The following CACNA1E variants were observed in gnomAD, a reference collection of about 807,000 sequenced individuals.
CACNA1E encodes voltage-dependent R-type calcium channel subunit alpha-1E.
A neutral mutation model predicts 259.2 loss-of-function variants in CACNA1E; 40 were observed. The observed-to-expected ratio is 0.15, with a 90% CI of 0.12 to 0.20. The LOEUF (loss-of-function observed/expected upper bound fraction) is 0.20, where lower values mean the gene tolerates loss of function less well. Ranked by LOEUF, CACNA1E falls within the 10% of genes least tolerant of loss-of-function variation. CACNA1E has a pLI of 1.00. For missense variants in CACNA1E, 1,874 were observed against 3,040.1 expected (o/e 0.62, Z 9.02); for synonymous variants, 1,104 against 1,138.5 (o/e 0.97, Z 0.61).
At position 181,352,916 on chromosome 1, in the gene CACNA1E, G is replaced by A. The variant is rs552056856; in HGVS notation, c.-15+34793G>A. On this transcript the variant is annotated intron_variant, in intron 1 of 11. Transcript: ENST00000524607. The stretch of plus-strand genomic sequence containing the variant: ...GGCTGCAAGAGAGGAGCAGTGGGCC[G>A]GCTCCAGGAAGAACTAGTGAACTAG... Among the ~76,000 whole-genome samples, 232 of 152,172 alleles carry A rather than the reference G, an allele frequency of 1.5e-3. 2 individuals are homozygous for A. The highest frequency in any genetic ancestry group is 5.0e-3 in the African/African-American group (208 of 41,492).
In CACNA1E at chr1:181,329,641, T is replaced by C. The variant is rs567581512; in HGVS notation, c.-15+11518T>C. On this transcript the variant is annotated intron_variant, in intron 1 of 11. Coordinates refer to the CACNA1E transcript ENST00000524607. ...TGCCTATTCATTGTTCAGTTCTTGA[T>C]TTAACTGTCATTTCTTCAGTGAGAT... Among the ~76,000 whole-genome samples the C allele has an allele frequency of 2.9e-4, 44 of 152,320 alleles. No homozygotes were observed. The South Asian group carries it at 8.7e-3, about 30-fold the overall frequency.
At chr1:181,580,075 G>T (rs1157240060) in intron 5 of CACNA1E, among the ~76,000 whole-genome samples, 1 of 152,146 alleles carries the variant, frequency 6.6e-6, no homozygotes, top group African/African-American at 2.4e-5. Context: ...TTTATGAAAA[G>T]AACCTTAAAA....
chr1:181,806,296 C>T lies in CACNA1E; in HGVS notation c.*7462C>T, dbSNP rs556582639. ...AGATTTCAGACTCTGCAGGGTGCAC[C>T]GGTTCTAGCCTCAAATAACAACATT... On this transcript the variant is annotated 3_prime_UTR_variant, in exon 48 of 48. Coordinates refer to ENST00000367573, the MANE Select transcript of CACNA1E (RefSeq NM_001205293.3). 2.6e-5 allele frequency: 4 copies of T among 152,334 alleles called. No homozygotes were observed. The highest frequency in any genetic ancestry group is 1.9e-4 in the East Asian group (1 of 5,174). 9.4% of individuals were successfully genotyped at this position (152,334 alleles called of 1,614,324 possible). A position where few individuals can be genotyped will look rare whatever the true frequency, so the allele number is the denominator to read the frequency against.
At chr1:181,391,433 C>T (rs941935281) in intron 1 of CACNA1E, among the ~76,000 whole-genome samples, 6 of 152,238 alleles carry the variant, frequency 3.9e-5, no homozygotes, top group South Asian at 2.1e-4. Context: ...GGCAGGCAGC[C>T]GTTACCATGT....
intron 2 of CACNA1E, among the ~76,000 whole-genome samples, chr1:181,440,303 C>A (rs1443622080): frequency 1.3e-5 from 2 of 152,138 alleles, no homozygotes; most frequent in Non-Finnish European, 2.9e-5. Flanking sequence ...TCAGTGATAC[C>A]CAATCCTGCT....
intron 7 of CACNA1E, among the ~76,000 whole-genome samples, chr1:181,663,521 AG>A (rs1278618208): frequency 2.0e-5 from 3 of 152,340 alleles, no homozygotes; most frequent in East Asian, 3.9e-4. Context: ...TTTGTGTTCA[AG>A]AAATGATTGA....
intron 3 of CACNA1E, among the ~76,000 whole-genome samples, chr1:181,542,380 C>T (rs1668649358): frequency 6.6e-6 from 1 of 152,196 alleles, no homozygotes; most frequent in Non-Finnish European, 1.5e-5. Flanking sequence ...ACAGACTTGA[C>T]TTGATGAAGA....
chr1:181,416,300 T>C (rs1658273444), intron 2 of CACNA1E, among the ~76,000 whole-genome samples: 1 of 152,238 alleles, frequency 6.6e-6, no homozygotes, highest in African/African-American at 2.4e-5. Flanking sequence ...GATCTCACGT[T>C]GTGGGGAATT....
chr1:181,757,243 A>G (rs1020351009), intron 30 of CACNA1E, 117 bp downstream of exon 30: 1 of 706,916 alleles, frequency 1.4e-6, no homozygotes, highest in Non-Finnish European at 2.4e-6. Flanking sequence ...TATAGAGAGA[A>G]GATGGGAAAA....
At chr1:181,381,105 G>C (rs1655429005) in intron 1 of CACNA1E, among the ~76,000 whole-genome samples, 1 of 151,906 alleles carries the variant, frequency 6.6e-6, no homozygotes, top group East Asian at 1.9e-4. Flanking sequence ...GGTGGAGGTT[G>C]CAGTGAGCTG....
intron 2 of CACNA1E, among the ~76,000 whole-genome samples, chr1:181,442,804 A>G (rs1660579311): frequency 6.6e-6 from 1 of 152,144 alleles, no homozygotes; most frequent in Admixed American, 6.5e-5. Flanking sequence ...TGGTGGGTCA[A>G]TGGGCTCCAT....
intron 7 of CACNA1E, among the ~76,000 whole-genome samples, chr1:181,664,398 G>A (rs1367665545): frequency 1.3e-5 from 2 of 152,158 alleles, no homozygotes; most frequent in Non-Finnish European, 2.9e-5. Context: ...AAAAATCCCT[G>A]CCTCCATGGA....
At chr1:181,364,578 G>T (rs1279979350) in intron 1 of CACNA1E, among the ~76,000 whole-genome samples, 1 of 152,230 alleles carries the variant, frequency 6.6e-6, no homozygotes, top group Non-Finnish European at 1.5e-5. Flanking sequence ...CAACACAGGG[G>T]TTGAATTGCA....
chr1:181,393,740 G>T (rs1358929882), intron 1 of CACNA1E, among the ~76,000 whole-genome samples: 1 of 152,242 alleles, frequency 6.6e-6, no homozygotes, highest in African/African-American at 2.4e-5. Flanking sequence ...TTACCGGCGT[G>T]TGCCCCCGTG....
chr1:181,546,302 C>T (rs1388305147), intron 3 of CACNA1E, among the ~76,000 whole-genome samples: 1 of 152,144 alleles, frequency 6.6e-6, no homozygotes, highest in East Asian at 1.9e-4. Context: ...CGAACCTCTG[C>T]CCTGCTGTGT....
Position 181,806,507 on chromosome 1 carries a change from A to G in CACNA1E, c.*7673A>G, listed in dbSNP as rs1662635998. On this transcript the variant is annotated 3_prime_UTR_variant, in exon 48 of 48. Transcript: ENST00000367573. ...CTAAAACGTGCAAGTCATGCCCCAC[A>G]AGACACCTCCTTAGGGCAGCATCCA... is the stretch of plus-strand genomic sequence containing the variant. The G allele has an allele frequency of 6.6e-6, 1 of 152,212 alleles. No individual in the cohort carries two copies. Among genetic ancestry groups the G allele is most frequent in the South Asian group, 2.1e-4 (1 of 4,834 alleles). The allele number at this position is 152,212 out of a possible 1,614,324, so 9.4% of individuals were successfully genotyped here.
chr1:181,683,130 G>A (rs1042197236), intron 7 of CACNA1E, among the ~76,000 whole-genome samples: 3 of 152,156 alleles, frequency 2.0e-5, no homozygotes, highest in Admixed American at 6.5e-5. Flanking sequence ...TGGCTCCTTG[G>A]TAGATAAGAT....
chr1:181,685,230 GTT>G (rs139598690), intron 7 of CACNA1E, among the ~76,000 whole-genome samples: 29 of 103,442 alleles, frequency 2.8e-4, no homozygotes, highest in African/African-American at 9.1e-4. Flanking sequence ...CCACCTTTAA[GTT>G]TTTTTTTTTT....
intron 7 of CACNA1E, among the ~76,000 whole-genome samples, chr1:181,677,180 A>G (rs1021160577): frequency 6.6e-6 from 1 of 151,924 alleles, no homozygotes; most frequent in Non-Finnish European, 1.5e-5. Flanking sequence ...TGGGGTATAC[A>G]CTCAGGATAG....
Sources: allele counts gnomAD v4.1 joint callset (sites outside exome capture counted in the v4.1 genomes callset), GRCh38; gene constraint gnomAD v4.1.1; transcripts MANE v1.5; gene names NCBI Gene and HGNC (gene_info 2026-07-23, HGNC 2026-07-21).